The following TENM2 variants were observed in gnomAD, a reference collection of about 807,000 sequenced individuals.
TENM2 encodes the protein teneurin-2.
Under a neutral mutation model 245.2 loss-of-function variants are expected in TENM2, and 52 were observed. That is an observed-to-expected ratio of 0.21 (90% CI 0.17 to 0.27). The LOEUF is 0.27. Ranked by LOEUF, TENM2 falls within the 10% of genes least tolerant of loss-of-function variation. TENM2 has a pLI of 1.00. For synonymous variants in TENM2, 1,363 were observed against 1,438.9 expected, an observed-to-expected ratio of 0.95 and a Z score of 1.19; for missense variants, 3,046 against 3,666.8, an observed-to-expected ratio of 0.83 and a Z score of 4.37.
At chr5:167,543,460 G>C (rs1318831785) in intron 2 of TENM2, among the ~76,000 whole-genome samples, 1 of 152,090 alleles carries the variant, frequency 6.6e-6, no homozygotes, top group Non-Finnish European at 1.5e-5. Context: ...GGCCACCTTG[G>C]TAAACAACCT....
intron 2 of TENM2, among the ~76,000 whole-genome samples, chr5:167,786,219 A>G (rs1425504294): frequency 6.6e-6 from 1 of 152,214 alleles, no homozygotes; most frequent in East Asian, 1.9e-4. Flanking sequence ...TATTGTTTAC[A>G]CTATTAGACA....
At chr5:167,002,000 A>G in the TENM2 span, among the ~76,000 whole-genome samples, 1 of 152,172 alleles carries the variant, frequency 6.6e-6, no homozygotes, top group Non-Finnish European at 1.5e-5. Flanking sequence ...CTTATATCAA[A>G]TTGATTCTAT....
the TENM2 span, among the ~76,000 whole-genome samples, chr5:167,142,342 CT>C: frequency 4.8e-3 from 737 of 152,154 alleles, 6 homozygotes; most frequent in African/African-American, 0.017. Flanking sequence ...AATGGCACTT[CT>C]TTTTTCATAT....
At chr5:167,426,193 T>C (rs1035136477) in intron 2 of TENM2, among the ~76,000 whole-genome samples, 4 of 152,202 alleles carry the variant, frequency 2.6e-5, no homozygotes, top group African/African-American at 9.6e-5. Flanking sequence ...ATTTTAAAAG[T>C]TTTTTAAATG....
At chr5:167,072,611 C>A in the TENM2 span, among the ~76,000 whole-genome samples, 39 of 152,274 alleles carry the variant, frequency 2.6e-4, no homozygotes, top group Non-Finnish European at 4.6e-4. Flanking sequence ...TATATTTTAT[C>A]TTTGCAACAA....
At chr5:167,163,494 G>C in the TENM2 span, among the ~76,000 whole-genome samples, 1 of 151,804 alleles carries the variant, frequency 6.6e-6, no homozygotes, top group Non-Finnish European at 1.5e-5. Flanking sequence ...ATATATCCTG[G>C]AAAGAGAAAA....
chr5:168,013,044 G>A (rs1581055417), intron 5 of TENM2, among the ~76,000 whole-genome samples: 1 of 152,234 alleles, frequency 6.6e-6, no homozygotes, highest in East Asian at 1.9e-4. Context: ...TAGAAGTGGA[G>A]AAATATTCAA....
At chr5:167,989,448 G>A (rs1783507035) in intron 4 of TENM2, among the ~76,000 whole-genome samples, 1 of 152,174 alleles carries the variant, frequency 6.6e-6, no homozygotes, top group Non-Finnish European at 1.5e-5. Flanking sequence ...GAACGGGCTT[G>A]TTAAGACAAA....
intron 2 of TENM2, among the ~76,000 whole-genome samples, chr5:167,380,501 A>T (rs1761035119): frequency 6.6e-6 from 1 of 152,132 alleles, no homozygotes; most frequent in Non-Finnish European, 1.5e-5. Context: ...CACTTTCCAG[A>T]TTATAAACTT....
chr5:167,737,464 G>C (rs1760882106), intron 2 of TENM2, among the ~76,000 whole-genome samples: 1 of 152,178 alleles, frequency 6.6e-6, no homozygotes, highest in Admixed American at 6.5e-5. Context: ...GTCCATGCTG[G>C]TACCTCCCAG....
the TENM2 span, among the ~76,000 whole-genome samples, chr5:167,032,350 C>T: frequency 9.2e-5 from 14 of 152,188 alleles, no homozygotes; most frequent in East Asian, 2.7e-3. Flanking sequence ...TTTTTTGCTG[C>T]CTCTGCTTTT....
intron 12 of TENM2, among the ~76,000 whole-genome samples, chr5:168,161,380 G>T (rs1286277270): frequency 6.6e-6 from 1 of 152,134 alleles, no homozygotes; most frequent in Non-Finnish European, 1.5e-5. Context: ...TAAATTAATG[G>T]TCACTGGGGT....
intron 2 of TENM2, among the ~76,000 whole-genome samples, chr5:167,710,823 A>G (rs1758861079): frequency 6.6e-6 from 1 of 152,228 alleles, no homozygotes; most frequent in Admixed American, 6.5e-5. Flanking sequence ...AAATGCACAA[A>G]ACGGGTTTAA....
At chr5:167,892,424 C>A (rs148830229) in intron 3 of TENM2, among the ~76,000 whole-genome samples, 3 of 152,104 alleles carry the variant, frequency 2.0e-5, no homozygotes, top group Admixed American at 6.6e-5. Flanking sequence ...GGCCTCTAGG[C>A]AGAGGAGTGG....
chr5:167,869,356 G>A (rs946462498), intron 2 of TENM2, among the ~76,000 whole-genome samples: 4 of 152,178 alleles, frequency 2.6e-5, no homozygotes, highest in African/African-American at 9.7e-5. Context: ...ACTCTAGGTT[G>A]AGGAATAGCC....
intron 6 of TENM2, among the ~76,000 whole-genome samples, chr5:168,058,607 G>T (rs2152082248): frequency 6.6e-6 from 1 of 152,302 alleles, no homozygotes; most frequent in Non-Finnish European, 1.5e-5. Flanking sequence ...CCAGTTTTAA[G>T]CTTGTCCCCA....
At chr5:167,883,694 G>A (rs1751637659) in intron 3 of TENM2, among the ~76,000 whole-genome samples, 1 of 152,186 alleles carries the variant, frequency 6.6e-6, no homozygotes, top group African/African-American at 2.4e-5. Context: ...CCCAGAGACT[G>A]GGAACTACAA....
At chr5:167,023,986 A>G in the TENM2 span, among the ~76,000 whole-genome samples, 1 of 152,192 alleles carries the variant, frequency 6.6e-6, no homozygotes, top group Non-Finnish European at 1.5e-5. Context: ...TATATATAGG[A>G]ATATATGCAT....
the TENM2 span, among the ~76,000 whole-genome samples, chr5:166,990,523 GTTAAATA>G: frequency 6.6e-6 from 1 of 152,156 alleles, no homozygotes; most frequent in Non-Finnish European, 1.5e-5. Flanking sequence ...GGATTAGATA[GTTAAATA>G]TTGAATATTG....
Sources: gnomAD v4.1 joint callset for allele counts (sites outside exome capture counted in the v4.1 genomes callset) on GRCh38, gnomAD v4.1.1 for gene constraint, MANE v1.5 for transcripts, NCBI Gene and HGNC (gene_info 2026-07-23, HGNC 2026-07-21) for gene names.